Variants in DPF3 observed in about 807,000 individuals in gnomAD.
The protein encoded by DPF3 is double PHD fingers 3.
Under a neutral mutation model 56.8 loss-of-function variants are expected in DPF3, and 18 were observed. The observed-to-expected ratio is 0.32, with a 90% CI of 0.22 to 0.47. The LOEUF (loss-of-function observed/expected upper bound fraction) is 0.47, where lower values mean the gene tolerates loss of function less well. Ranked by LOEUF, DPF3 falls within the 20% of genes least tolerant of loss-of-function variation. The pLI, the probability that DPF3 is intolerant of heterozygous loss-of-function variation, is 1.00. For missense variants in DPF3, 403 were observed against 488.8 expected (o/e 0.82, Z 1.65); for synonymous variants, 188 against 180.2 (o/e 1.04, Z -0.35).
chr14:72,620,107 C>T, intron 9 of DPF3, 123 bp from the exon 10 acceptor site: 1 of 963,018 alleles, frequency 1.0e-6, no homozygotes, highest in Non-Finnish European at 1.5e-6. Context: ...TTTCCAGGCC[C>T]CACTTGGAGT....
rs560129027 is a variant in DPF3, at chr14:72,796,574, C to A, written c.33-24681G>T. On this transcript the variant is annotated intron_variant, in intron 1 of 10. Coordinates refer to ENST00000556509, the MANE Select transcript of DPF3 (RefSeq NM_001280542.3). Reference sequence around the variant, plus strand: ...TAAGACTACAGCATGGGTTAAATAGCATGTAAAACCTTTGGCATGTTGGAT... The same window carrying A: ...TAAGACTACAGCATGGGTTAAATAGAATGTAAAACCTTTGGCATGTTGGAT... 2.0e-5 allele frequency among the ~76,000 whole-genome samples: 3 copies of A among 152,262 alleles called. No homozygotes were observed. In the South Asian group the frequency reaches 6.2e-4, roughly 32 times the overall value.
intron 1 of DPF3, among the ~76,000 whole-genome samples, chr14:72,820,594 AAAGTT>A (rs1883488488): frequency 2.6e-5 from 4 of 152,194 alleles, no homozygotes; most frequent in African/African-American, 7.2e-5. Flanking sequence ...CAGGAACATT[AAAGTT>A]AAGACCCAAA....
intron 5 of DPF3, among the ~76,000 whole-genome samples, chr14:72,717,129 C>T (rs1888966203): frequency 6.6e-6 from 1 of 152,232 alleles, no homozygotes; most frequent in African/African-American, 2.4e-5. Flanking sequence ...GGGTTCACCC[C>T]ATGATTGTGC....
chr14:72,778,973 G>C (rs1328694375), intron 1 of DPF3, among the ~76,000 whole-genome samples: 3 of 152,216 alleles, frequency 2.0e-5, no homozygotes, highest in African/African-American at 4.8e-5. Flanking sequence ...ACTCCAGCAA[G>C]TACCATTCAC....
At chr14:72,703,275 G>T (rs2153574368) in intron 6 of DPF3, among the ~76,000 whole-genome samples, 1 of 152,180 alleles carries the variant, frequency 6.6e-6, no homozygotes, top group South Asian at 2.1e-4. Flanking sequence ...AGACACAGGG[G>T]ATTGGGGGTA....
intron 8 of DPF3, among the ~76,000 whole-genome samples, chr14:72,643,006 C>T (rs1033162418): frequency 1.3e-5 from 2 of 152,178 alleles, no homozygotes; most frequent in Admixed American, 6.5e-5. Flanking sequence ...CAGATAGGAA[C>T]ATTCCTGATT....
At chr14:72,877,877 A>G (rs1297279565) in intron 1 of DPF3, among the ~76,000 whole-genome samples, 1 of 152,222 alleles carries the variant, frequency 6.6e-6, no homozygotes, top group Non-Finnish European at 1.5e-5. Context: ...GAATATGTAT[A>G]AGTATCTGTT....
chr14:72,860,051 C>T (rs960257236), intron 1 of DPF3, among the ~76,000 whole-genome samples: 1 of 152,110 alleles, frequency 6.6e-6, no homozygotes, highest in Non-Finnish European at 1.5e-5. Context: ...GGTACCCAGA[C>T]TTCACTGTGG....
chr14:72,648,863 C>A (rs1259706334), intron 8 of DPF3, among the ~76,000 whole-genome samples: 1 of 152,102 alleles, frequency 6.6e-6, no homozygotes, highest in African/African-American at 2.4e-5. Flanking sequence ...TCCTTCCTGA[C>A]CAAGCATCCC....
At chr14:72,661,404 AG>A in intron 8 of DPF3, 1 of 985,402 alleles carries the variant, frequency 1.0e-6, no homozygotes, top group South Asian at 4.7e-5. Context: ...CTGTGACTCA[AG>A]GACCTCTGCT....
intron 1 of DPF3, among the ~76,000 whole-genome samples, chr14:72,874,261 G>A (rs144111144): frequency 0.013 from 1,896 of 151,646 alleles, 22 homozygotes; most frequent in Middle Eastern, 0.052. Context: ...GGCAGATCAC[G>A]GGGTCAGGAG....
intron 7 of DPF3, among the ~76,000 whole-genome samples, chr14:72,682,554 C>T (rs527729750): frequency 2.0e-5 from 3 of 152,220 alleles, no homozygotes; most frequent in South Asian, 2.1e-4. Flanking sequence ...TTCAACAAGC[C>T]CCTTGTTTTG....
At position 72,612,162 on chromosome 14, in the gene DPF3, C is replaced by T. The variant is rs1666516183; in HGVS notation, c.*7135G>A. ...AAACCCCCAGGGTGGACAACCATGG[C>T]AGATGAGTGGGGGGCAGCTTGGATG... On this transcript the variant is annotated 3_prime_UTR_variant, in exon 11 of 11. Coordinates refer to ENST00000556509, the MANE Select transcript of DPF3 (RefSeq NM_001280542.3). 6.6e-6 allele frequency among the ~76,000 whole-genome samples: 1 copy of T among 152,194 alleles called. No individual in the cohort carries two copies. Among genetic ancestry groups the T allele is most frequent in the African/African-American group, 2.4e-5 (1 of 41,450 alleles).
At chr14:72,893,021 A>AAGGAAGGAAGGCAGGCAGGCAGGCAGGC (rs1567273912) in intron 1 of DPF3, among the ~76,000 whole-genome samples, 1 of 135,560 alleles carries the variant, frequency 7.4e-6, no homozygotes, top group South Asian at 2.5e-4. Context: ...GGAAGGAAGG[A>AAGGAAGGAAGGCAGGCAGGCAGGCAGGC]AGGATGAAAA....
chr14:72,715,870 C>T (rs1473828477), intron 5 of DPF3, among the ~76,000 whole-genome samples: 1 of 150,110 alleles, frequency 6.7e-6, no homozygotes, highest in Non-Finnish European at 1.5e-5. Flanking sequence ...CGCTGACAGC[C>T]AGCAGCCCTC....
At chr14:72,764,361 C>T (rs972754898) in intron 2 of DPF3, among the ~76,000 whole-genome samples, 3 of 151,956 alleles carry the variant, frequency 2.0e-5, no homozygotes, top group Non-Finnish European at 4.4e-5. Context: ...CTGGAGAAGG[C>T]ATGGAAGCTT....
chr14:72,767,831 C>A (rs1372772605), intron 2 of DPF3, among the ~76,000 whole-genome samples: 1 of 144,180 alleles, frequency 6.9e-6, no homozygotes, highest in Non-Finnish European at 1.5e-5. Context: ...CAGAATAAAC[C>A]CAAAAAATCT....
chr14:72,754,992 T>C (rs1890731970), intron 2 of DPF3, among the ~76,000 whole-genome samples: 1 of 152,238 alleles, frequency 6.6e-6, no homozygotes, highest in Non-Finnish European at 1.5e-5. Context: ...TTGGCCCTGC[T>C]GTTCCTGGCT....
At chr14:72,885,858 A>G (rs1161238349) in intron 1 of DPF3, among the ~76,000 whole-genome samples, 1 of 152,242 alleles carries the variant, frequency 6.6e-6, no homozygotes, top group African/African-American at 2.4e-5. Flanking sequence ...TACAATGGCC[A>G]TAGAAAGGAA....
Sources: gnomAD v4.1 joint callset for allele counts (sites outside exome capture counted in the v4.1 genomes callset) on GRCh38, gnomAD v4.1.1 for gene constraint, MANE v1.5 for transcripts, NCBI Gene and HGNC (gene_info 2026-07-23, HGNC 2026-07-21) for gene names.